Variants in CEP350 observed in about 807,000 individuals in gnomAD.
The protein encoded by CEP350 is centrosomal protein 350.
Under a neutral mutation model 331.8 loss-of-function variants are expected in CEP350, and 126 were observed. The ratio of observed to expected loss-of-function variants is 0.38; its 90% CI spans 0.33 to 0.44. The LOEUF (loss-of-function observed/expected upper bound fraction) is 0.44. Among genes scored for constraint, CEP350 ranks in the 20% least tolerant of loss-of-function variants. The probability of loss-of-function intolerance (pLI) is 1.00; values close to 1 mark genes in which losing one functional copy is unlikely to be tolerated. For synonymous variants in CEP350, 1,200 were observed against 1,259.5 expected (o/e 0.95, Z 1.00); for missense variants, 3,406 against 3,634.6 (o/e 0.94, Z 1.62).
At chr1:180,027,155 C>A (rs567889870) in intron 14 of CEP350, among the ~76,000 whole-genome samples, 1 of 152,242 alleles carries the variant, frequency 6.6e-6, no homozygotes, top group East Asian at 1.9e-4. Flanking sequence ...TCCTAATGGG[C>A]GTGAAATGTT....
At chr1:180,035,633 C>T (rs1018903418) in intron 16 of CEP350, among the ~76,000 whole-genome samples, 1 of 152,162 alleles carries the variant, frequency 6.6e-6, no homozygotes, top group African/African-American at 2.4e-5. Flanking sequence ...CTCAGGTTTA[C>T]TGAGTATTCT....
chr1:179,997,223 C>G, intron 6 of CEP350, 48 bp downstream of exon 6: 2 of 1,553,842 alleles, frequency 1.3e-6, no homozygotes, highest in Non-Finnish European at 1.7e-6. Flanking sequence ...CTTTGTTCTT[C>G]TTTCTCCCTA....
At chr1:179,998,311 T>TTC (rs1473428278) in intron 6 of CEP350, among the ~76,000 whole-genome samples, 2,310 of 128,674 alleles carry the variant, frequency 0.018, 70 homozygotes, top group African/African-American at 0.056. Context: ...TTCTTTTTTT[T>TTC]TTTTTTTTTT....
In CEP350 at chr1:180,041,196, AGG is replaced by A; in HGVS notation, c.4170_4171del (p.Glu1390AspfsTer35). On this transcript the variant is annotated frameshift_variant, in exon 18 of 38. Coordinates refer to ENST00000367607, the MANE Select transcript of CEP350 (RefSeq NM_014810.5). LOFTEE classifies it high-confidence loss of function. Reference sequence around the variant, plus strand: ...CTCTTGAAACTAAAGGCTGAACAAGAGGCTCTGGAGAGTCAGAGACAATTAGA... The same window carrying A: ...CTCTTGAAACTAAAGGCTGAACAAGACTCTGGAGAGTCAGAGACAATTAGA... The A allele has an allele frequency of 6.3e-7, 1 of 1,598,702 alleles. No homozygotes were observed. Among genetic ancestry groups the A allele is most frequent in the Non-Finnish European group, 8.5e-7 (1 of 1,172,496 alleles).
At chr1:180,048,205 T>C (rs1657255992) in intron 21 of CEP350, among the ~76,000 whole-genome samples, 1 of 152,162 alleles carries the variant, frequency 6.6e-6, no homozygotes. Context: ...GTGATGTTAA[T>C]GAAAAGTAAA....
chr1:180,074,964 A>T, intron 27 of CEP350, 58 bp from the exon 28 acceptor site: 1 of 1,431,202 alleles, frequency 7.0e-7, no homozygotes, highest in Non-Finnish European at 9.4e-7. Flanking sequence ...AGAGCTCTCA[A>T]AGTGATCTCT....
At chr1:180,004,264 CTT>C (rs1333980483) in intron 7 of CEP350, among the ~76,000 whole-genome samples, 2 of 152,104 alleles carry the variant, frequency 1.3e-5, no homozygotes, top group Non-Finnish European at 2.9e-5. Flanking sequence ...TGTCAAAAGA[CTT>C]TGATATTCTG....
intron 27 of CEP350, chr1:180,073,976 T>C: frequency 7.9e-7 from 1 of 1,258,758 alleles, no homozygotes. Context: ...TTGTTTTGTT[T>C]GCTTTTCTCT....
chr1:179,997,268 C>A, intron 6 of CEP350, 93 bp downstream of exon 6: 2 of 1,415,476 alleles, frequency 1.4e-6, no homozygotes, highest in Non-Finnish European at 1.9e-6. Context: ...ACCTTTAGAA[C>A]AGGATGTTAT....
chr1:179,973,257 A>G (rs560218859), intron 1 of CEP350, among the ~76,000 whole-genome samples: 2 of 152,354 alleles, frequency 1.3e-5, no homozygotes, highest in South Asian at 2.1e-4. Context: ...AATTCCTGCA[A>G]ATAATCTATG....
intron 24 of CEP350, 146 bp from the exon 25 acceptor site, chr1:180,054,269 G>T: frequency 1.4e-6 from 1 of 694,140 alleles, no homozygotes. Flanking sequence ...GGATATTAAT[G>T]GTTACGGCTA....
In CEP350 at chr1:180,075,185, A is replaced by G. The variant is rs760033685; in HGVS notation, c.5731A>G (p.Lys1911Glu). ...AGAATTAATAAAACCCAAAACTCCT[A>G]AGAAAGAACTGGAGGACCAGAGAAC... is the stretch of plus-strand genomic sequence containing the variant. ...DKELIKPKTPKKELEDQRTEQ... is the reference protein window; with the variant it reads ...DKELIKPKTPEKELEDQRTEQ... The change falls in exon 28 of 38, where the codon AAG (lysine) becomes GAG (glutamate). Residue 1911 changes from lysine to glutamate, a missense_variant. This residue lies in a region of CEP350 where 1,415 missense variants were observed against 1,512.3 expected (regional missense o/e 0.94). Transcript: ENST00000367607. 6.3e-5 allele frequency: 101 copies of G among 1,612,998 alleles called. No individual in the cohort carries two copies. The highest frequency in any genetic ancestry group is 8.3e-5 in the Non-Finnish European group (98 of 1,179,550).
intron 1 of CEP350, among the ~76,000 whole-genome samples, chr1:179,956,368 C>G (rs1416442404): frequency 6.6e-6 from 1 of 152,078 alleles, no homozygotes; most frequent in Non-Finnish European, 1.5e-5. Flanking sequence ...TCTCTTCATC[C>G]TCAGTAGCAA....
At chr1:180,031,523 A>T (rs1037586794) in intron 15 of CEP350, 29 bp downstream of exon 15, 7 of 1,072,038 alleles carry the variant, frequency 6.5e-6, no homozygotes, top group Non-Finnish European at 8.6e-6. Context: ...TGTAATTTAT[A>T]TATAATTAAA....
At position 180,048,684 on chromosome 1, in the gene CEP350, C is replaced by T. The variant is rs1657284739; in HGVS notation, c.4771C>T (p.Pro1591Ser). 6.2e-7 allele frequency: 1 copy of T among 1,609,932 alleles called. No homozygotes were observed. The highest frequency in any genetic ancestry group is 8.5e-7 in the Non-Finnish European group (1 of 1,178,466). Residue 1591 changes from proline to serine, a missense_variant, in exon 22 of 38, where the codon CCA becomes TCA. Physicochemically the swap from Pro to Ser is moderately conservative, Grantham distance 74. Transcript: ENST00000367607. ...ADDSLRSDSV[P>S]SLPDEKDSTS... is the part of the protein sequence containing the mutation. Reference sequence around the variant, plus strand: ...TGATTCTCTACGAAGTGATAGTGTTCCATCTCTTCCTGATGAAAAAGGTAA... The same window carrying T: ...TGATTCTCTACGAAGTGATAGTGTTTCATCTCTTCCTGATGAAAAAGGTAA...
rs1364624034 is a variant in CEP350, at chr1:180,041,154, A to G, written c.4127A>G (p.His1376Arg). The change falls in exon 18 of 38, where the codon CAT (histidine) becomes CGT (arginine). Residue 1376 changes from histidine to arginine, a missense_variant. Coordinates refer to ENST00000367607, the MANE Select transcript of CEP350 (RefSeq NM_014810.5). Reference protein sequence around the residue: ...AQIIKAQQQRHERDLALLKLK... With the variant: ...AQIIKAQQQRRERDLALLKLK... ...ATTTTGAAGGCACAACAGCAACGCC[A>G]TGAAAGAGACTTGGCCCTCTTGAAA... The G allele has an allele frequency of 3.8e-6, 6 of 1,594,376 alleles. No homozygotes were observed. The highest frequency in any genetic ancestry group is 1.7e-4 in the Middle Eastern group (1 of 6,040).
At chr1:180,083,384 G>A (rs1052858750) in intron 30 of CEP350, among the ~76,000 whole-genome samples, 3 of 152,294 alleles carry the variant, frequency 2.0e-5, no homozygotes, top group Admixed American at 6.5e-5. Flanking sequence ...ATGAGTAGAC[G>A]TCTTGTGTAT....
intron 1 of CEP350, chr1:179,969,566 GCAGCAGT>G: frequency 3.0e-6 from 1 of 334,550 alleles, no homozygotes; most frequent in Admixed American, 3.9e-5. Flanking sequence ...TGGAAAATAA[GCAGCAGT>G]TTCTAAAAAA....
chr1:179,977,338 T>C (rs1257878282), intron 1 of CEP350, among the ~76,000 whole-genome samples: 3 of 152,202 alleles, frequency 2.0e-5, no homozygotes, highest in Non-Finnish European at 4.4e-5. Context: ...TTGTGCTTAG[T>C]GGGAAGGTGG....
Sources: gnomAD v4.1 joint callset for allele counts (sites outside exome capture counted in the v4.1 genomes callset) on GRCh38, gnomAD v4.1.1 for gene constraint, gnomAD v4.1.1 regional missense constraint, MANE v1.5 for transcripts, NCBI Gene and HGNC (gene_info 2026-07-23, HGNC 2026-07-21) for gene names.